The following TXNDC17 variants were observed in gnomAD, a reference collection of about 807,000 sequenced individuals.
TXNDC17 encodes the protein thioredoxin domain containing 17.
TXNDC17 carries 12 observed loss-of-function variants against 16.3 expected under a neutral mutation model. The ratio of observed to expected loss-of-function variants is 0.74; its 90% CI spans 0.47 to 1.19. The LOEUF (loss-of-function observed/expected upper bound fraction) is 1.19, where lower values mean the gene tolerates loss of function less well. Among genes scored for constraint, TXNDC17 ranks in the 50% most tolerant of loss-of-function variants. The pLI is 0.00. For synonymous variants in TXNDC17, 62 were observed against 55.0 expected, an observed-to-expected ratio of 1.13 and a Z score of -0.56; for missense variants, 158 against 149.7, an observed-to-expected ratio of 1.06 and a Z score of -0.29.
Position 6,641,335 on chromosome 17 carries a change from CG to C in TXNDC17, c.145+110del. The C allele has an allele frequency of 3.3e-6, 5 of 1,501,636 alleles. No homozygotes were observed. The African/African-American group carries it at 6.9e-5, about 21-fold the overall frequency. 93.0% of individuals were successfully genotyped at this position (1,501,636 alleles called of 1,614,324 possible). ...GCAGAGTCTTGGTTCCAGACATCCG[CG>C]GAGCAATCTGAGCTGTCCCCAAGTC... is the stretch of plus-strand genomic sequence containing the variant. On this transcript the variant is annotated intron_variant, in intron 1 of 3. Transcript: ENST00000250101.
chr17:6,644,185 A>G lies in TXNDC17; in HGVS notation c.*1166A>G. 2.2e-6 allele frequency: 1 copy of G among 461,808 alleles called. No homozygotes were observed. Among genetic ancestry groups the G allele is most frequent in the Non-Finnish European group, 3.8e-6 (1 of 264,484 alleles). The allele number at this position is 461,808 out of a possible 1,614,324, so 28.6% of individuals were successfully genotyped here. On this transcript the variant is annotated 3_prime_UTR_variant, in exon 4 of 4. Coordinates refer to ENST00000250101, the MANE Select transcript of TXNDC17 (RefSeq NM_032731.4). ...CCCCTACCCCATGCCCCAGTGCCTT[A>G]TTTGGTCTAAAGCACCTAACTTTTC...
At chr17:6,642,140 G>A in intron 2 of TXNDC17, 109 bp from the exon 3 acceptor site, 1 of 785,062 alleles carries the variant, frequency 1.3e-6, no homozygotes, top group Non-Finnish European at 2.1e-6. Flanking sequence ...TTAAGTGTTT[G>A]CAAGAACAGT....
chr17:6,641,872 C>G (rs979424240), intron 2 of TXNDC17, 38 bp downstream of exon 2: 18 of 1,586,316 alleles, frequency 1.1e-5, no homozygotes, highest in Non-Finnish European at 1.6e-5. Flanking sequence ...CAGACGTGCA[C>G]AAATTGCATA....
chr17:6,641,793 A>AGGAT lies in TXNDC17; in HGVS notation c.188_191dup (p.Cys64TrpfsTer20), dbSNP rs1357180781. ...GAGAGGGGCTGAAGCACATTAGTGA[A>AGGAT]GGATGTGTGTTCATCTACTGCCAAG... is the stretch of plus-strand genomic sequence containing the variant. On this transcript the variant is annotated frameshift_variant, in exon 2 of 4. Transcript: ENST00000250101. LOFTEE classifies it high-confidence loss of function. The AGGAT allele has an allele frequency of 5.6e-6, 9 of 1,614,132 alleles. No homozygotes were observed. Among genetic ancestry groups the AGGAT allele is most frequent in the Non-Finnish European group, 7.6e-6 (9 of 1,180,010 alleles).
intron 3 of TXNDC17, chr17:6,642,546 G>A (rs990948967): frequency 3.5e-5 from 17 of 489,998 alleles, no homozygotes; most frequent in African/African-American, 2.0e-5. Context: ...AAACCAGAAA[G>A]TAGGTTGACT....
rs1335540687 is a variant in TXNDC17 at position 6,641,734 on chromosome 17, A to C, written c.146-19A>C. 1.2e-6 allele frequency: 2 copies of C among 1,612,872 alleles called. No individual in the cohort carries two copies. Among genetic ancestry groups the C allele is most frequent in the Non-Finnish European group, 1.7e-6 (2 of 1,178,900 alleles). ...TGTAGAGTTGACGTGCGATTATTTT[A>C]TCTCAACTTTTTTTAAAGCTGAACC... is the stretch of plus-strand genomic sequence containing the variant. On this transcript the variant is annotated intron_variant, in intron 1 of 3. Transcript: ENST00000250101.
In TXNDC17 at chr17:6,643,869, C is replaced by T. The variant is rs1453697633; in HGVS notation, c.*850C>T. The T allele has an allele frequency of 5.4e-6, 2 of 372,378 alleles. No homozygotes were observed. Among genetic ancestry groups the T allele is most frequent in the African/African-American group, 4.2e-5 (2 of 48,042 alleles). The allele number at this position is 372,378 out of a possible 1,614,324, so 23.1% of individuals were successfully genotyped here. A position where few individuals can be genotyped will look rare whatever the true frequency, so the allele number is the denominator to read the frequency against. On this transcript the variant is annotated 3_prime_UTR_variant, in exon 4 of 4. Transcript: ENST00000250101. ...GTCAAGAGTCCAGTTAGTAACTAACCACTAGTTGTCCTGCCATGACTAGGT... is the reference window on the plus strand; with the variant it reads ...GTCAAGAGTCCAGTTAGTAACTAACTACTAGTTGTCCTGCCATGACTAGGT...
In TXNDC17 at chr17:6,642,954, CA is replaced by C. The variant is rs757868452; in HGVS notation, c.312del (p.Lys104AsnfsTer3). 1 of 1,613,120 alleles carries C rather than the reference CA, an allele frequency of 6.2e-7. No individual in the cohort carries two copies. The highest frequency in any genetic ancestry group is 1.1e-5 in the South Asian group (1 of 91,042). On this transcript the variant is annotated frameshift_variant, in exon 4 of 4. Coordinates refer to ENST00000250101, the MANE Select transcript of TXNDC17 (RefSeq NM_032731.4). LOFTEE classifies it high-confidence loss of function. ...TTTGACTGTTTTTCTCTTACAGCCTCAAAAACTGGTAGAATCTGAGTGTCTT... is the reference window on the plus strand; with the variant it reads ...TTTGACTGTTTTTCTCTTACAGCCTCAAAACTGGTAGAATCTGAGTGTCTT... ...VPTLLKYGTP[Q>X]KLVESECLQA...
intron 3 of TXNDC17, chr17:6,642,589 G>A: frequency 2.2e-6 from 1 of 454,042 alleles, no homozygotes; most frequent in East Asian, 3.8e-5. Context: ...ATCAACAGTT[G>A]TTTTCTGTTT....
chr17:6,642,873 T>G (rs1972712023), intron 3 of TXNDC17, 78 bp from the exon 4 acceptor site: 3 of 1,024,396 alleles, frequency 2.9e-6, no homozygotes, highest in Non-Finnish European at 4.6e-6. Context: ...AAGATGAGTG[T>G]CATTCAAGGC....
chr17:6,644,120 G>A lies in TXNDC17; in HGVS notation c.*1101G>A, dbSNP rs762731400. On this transcript the variant is annotated 3_prime_UTR_variant, in exon 4 of 4. Transcript: ENST00000250101. ...GATGGTCTTGCCCTACTATATGTCA[G>A]GAACAGCTAGCCTTAGAATTCAGTA... The A allele has an allele frequency of 2.4e-6, 1 of 419,310 alleles. No homozygotes were observed. Among genetic ancestry groups the A allele is most frequent in the Non-Finnish European group, 4.2e-6 (1 of 237,796 alleles). The allele number at this position is 419,310 out of a possible 1,614,324, so 26.0% of individuals were successfully genotyped here.
At chr17:6,641,578 C>G in intron 1 of TXNDC17, 175 bp from the exon 2 acceptor site, 2 of 700,878 alleles carry the variant, frequency 2.9e-6, no homozygotes, top group Non-Finnish European at 4.9e-6. Flanking sequence ...GGTCCTTACC[C>G]TTAACGTGGC....
chr17:6,644,215 C>G lies in TXNDC17; in HGVS notation c.*1196C>G, dbSNP rs1049653314. The G allele has an allele frequency of 2.6e-5, 13 of 496,346 alleles. No homozygotes were observed. In the East Asian group the frequency reaches 4.3e-4, roughly 16 times the overall value. 30.7% of individuals were successfully genotyped at this position (496,346 alleles called of 1,614,324 possible). On this transcript the variant is annotated 3_prime_UTR_variant, in exon 4 of 4. Transcript: ENST00000250101. ...GTCTAAAGCACCTAACTTTTCCATT[C>G]TTAATCAGCTGATTATGCTAAATGC...
intron 3 of TXNDC17, 186 bp from the exon 4 acceptor site, chr17:6,642,765 G>A: frequency 1.7e-6 from 1 of 585,060 alleles, no homozygotes; most frequent in Non-Finnish European, 3.0e-6. Flanking sequence ...CTTGAGCCAA[G>A]TATGTTAGTG....
At chr17:6,642,099 T>C in intron 2 of TXNDC17, 150 bp from the exon 3 acceptor site, 1 of 669,330 alleles carries the variant, frequency 1.5e-6, no homozygotes, top group Middle Eastern at 3.0e-4. Flanking sequence ...ACAGGGTAAT[T>C]AGTAGATTAA....
At chr17:6,642,000 G>A in intron 2 of TXNDC17, 166 bp downstream of exon 2, 1 of 736,048 alleles carries the variant, frequency 1.4e-6, no homozygotes, top group Admixed American at 2.5e-5. Context: ...CCTGAATTAA[G>A]TAAGGGTAAT....
At position 6,643,006 on chromosome 17, in the gene TXNDC17, T is replaced by G; in HGVS notation, c.359T>G (p.Phe120Cys). Reference protein sequence around the residue: ...CLQANLVEMLFSED With the variant: ...CLQANLVEMLCSED ...CAGGCCAACCTGGTGGAAATGTTGT[T>G]CTCTGAAGATTAAGATTTTAGGATG... is the stretch of plus-strand genomic sequence containing the variant. Residue 120 changes from phenylalanine (F) to cysteine (C), a missense_variant, in exon 4 of 4, where the codon TTC (phenylalanine) becomes TGC (cysteine). By Grantham distance (205) the Phe-to-Cys change is radical (BLOSUM62 -2). Transcript: ENST00000250101. The G allele has an allele frequency of 3.1e-6, 5 of 1,613,906 alleles. No individual in the cohort carries two copies. The highest frequency in any genetic ancestry group is 4.2e-6 in the Non-Finnish European group (5 of 1,179,912).
At chr17:6,642,371 C>T in intron 3 of TXNDC17, 47 bp downstream of exon 3, 1 of 1,289,760 alleles carries the variant, frequency 7.8e-7, no homozygotes. Flanking sequence ...TGTCAGAACT[C>T]TTTTAACTTG....
intron 1 of TXNDC17, 39 bp downstream of exon 1, chr17:6,641,266 G>T: frequency 1.2e-6 from 2 of 1,610,264 alleles, no homozygotes; most frequent in South Asian, 2.2e-5. Context: ...CAATGGAAAT[G>T]GCAGGAAGGT....
Sources: allele counts gnomAD v4.1 joint callset, GRCh38; gene constraint gnomAD v4.1.1; transcripts MANE v1.5; gene names NCBI Gene and HGNC (gene_info 2026-07-23, HGNC 2026-07-21).